Variants in ZDHHC14 observed in about 807,000 individuals in gnomAD.
ZDHHC14 encodes zDHHC palmitoyltransferase 14, also known as palmitoyltransferase ZDHHC14.
In ZDHHC14, 16 loss-of-function variants were observed where a neutral mutation model predicts 47.7. The observed-to-expected ratio is 0.34, with a 90% CI of 0.23 to 0.51. ZDHHC14 has a LOEUF of 0.51. Ranked by LOEUF, ZDHHC14 falls within the 20% of genes least tolerant of loss-of-function variation. ZDHHC14 has a pLI of 0.97. For synonymous variants in ZDHHC14, 293 were observed against 278.9 expected (o/e 1.05, Z -0.50); for missense variants, 515 against 662.5 (o/e 0.78, Z 2.44).
At chr6:157,483,690 T>C (rs912717413) in intron 1 of ZDHHC14, among the ~76,000 whole-genome samples, 3 of 152,088 alleles carry the variant, frequency 2.0e-5, no homozygotes, top group Non-Finnish European at 4.4e-5. Context: ...GCTCAGGAGG[T>C]TTGACGGTGG....
At chr6:157,670,827 A>T (rs914880511) in intron 8 of ZDHHC14, among the ~76,000 whole-genome samples, 12 of 152,294 alleles carry the variant, frequency 7.9e-5, no homozygotes, top group Non-Finnish European at 1.6e-4. Context: ...ATCTTTGAGC[A>T]TCTAAAGCCT....
In ZDHHC14 at chr6:157,472,483, AAGTGG is replaced by A. The variant is rs199696883; in HGVS notation, c.246-70079_246-70075del. On this transcript the variant is annotated intron_variant, in intron 1 of 8. Coordinates refer to ENST00000359775, the MANE Select transcript of ZDHHC14 (RefSeq NM_024630.3). ...TATGCTGCTTGACCTAGTAAATAAT[AAGTGG>A]AGTGGAGTGGAGTGGAGTGGAGGCT... 5.9e-5 allele frequency among the ~76,000 whole-genome samples: 9 copies of A among 151,998 alleles called. No homozygotes were observed. In the East Asian group the frequency reaches 1.2e-3, roughly 20 times the overall value.
chr6:157,517,603 G>T (rs1027207019), intron 1 of ZDHHC14, among the ~76,000 whole-genome samples: 1 of 152,114 alleles, frequency 6.6e-6, no homozygotes, highest in Admixed American at 6.5e-5. Context: ...GAGCCACCGC[G>T]CCTGGCCTTA....
At chr6:157,422,119 T>C (rs1778119208) in intron 1 of ZDHHC14, among the ~76,000 whole-genome samples, 1 of 152,202 alleles carries the variant, frequency 6.6e-6, no homozygotes, top group Non-Finnish European at 1.5e-5. Flanking sequence ...GGCTGGACTG[T>C]AGCTTTCCCC....
intron 5 of ZDHHC14, among the ~76,000 whole-genome samples, chr6:157,636,176 G>A (rs577906094): frequency 3.4e-5 from 5 of 148,260 alleles, no homozygotes; most frequent in African/African-American, 7.4e-5. Context: ...ATCCCTCATC[G>A]CACAGGTCAC....
Position 157,672,714 on chromosome 6 carries a change from C to T in ZDHHC14, c.1069-10C>T, listed in dbSNP as rs754853085. On this transcript the variant is annotated splice_polypyrimidine_tract_variant and intron_variant, in intron 8 of 8. Coordinates refer to ENST00000359775, the MANE Select transcript of ZDHHC14 (RefSeq NM_024630.3). ...CCACCTTCTCTTTGCTGGCGCCTCC[C>T]GCTCTCCAGTGCGACCAAGACCAGT... 17 of 1,609,704 alleles carry T rather than the reference C, an allele frequency of 1.1e-5. No homozygotes were observed. Among genetic ancestry groups the T allele is most frequent in the South Asian group, 4.4e-5 (4 of 90,370 alleles).
At chr6:157,532,549 G>A (rs2114785726) in intron 1 of ZDHHC14, among the ~76,000 whole-genome samples, 1 of 152,294 alleles carries the variant, frequency 6.6e-6, no homozygotes, top group East Asian at 1.9e-4. Context: ...GGAACTGAGG[G>A]GAGTTGGGCC....
chr6:157,641,823 TTATC>T (rs1365413770), intron 5 of ZDHHC14, among the ~76,000 whole-genome samples: 12 of 152,210 alleles, frequency 7.9e-5, no homozygotes, highest in Admixed American at 7.2e-4. Context: ...GTGCAGTAAT[TTATC>T]TATCAGATAA....
At chr6:157,655,809 C>T (rs1778060281) in intron 8 of ZDHHC14, among the ~76,000 whole-genome samples, 1 of 152,166 alleles carries the variant, frequency 6.6e-6, no homozygotes, top group Non-Finnish European at 1.5e-5. Context: ...TTGTCAAAAC[C>T]AGTGGACTTA....
chr6:157,472,828 G>C (rs1185294599), intron 1 of ZDHHC14, among the ~76,000 whole-genome samples: 1 of 152,182 alleles, frequency 6.6e-6, no homozygotes, highest in Non-Finnish European at 1.5e-5. Flanking sequence ...AGCATTTATT[G>C]AGCGAGGTGC....
chr6:157,507,632 T>C (rs2114745195), intron 1 of ZDHHC14, among the ~76,000 whole-genome samples: 1 of 152,330 alleles, frequency 6.6e-6, no homozygotes, highest in African/African-American at 2.4e-5. Context: ...AACAGCTCTG[T>C]AAAAATATGT....
At chr6:157,489,096 T>A (rs1332753371) in intron 1 of ZDHHC14, among the ~76,000 whole-genome samples, 1 of 152,244 alleles carries the variant, frequency 6.6e-6, no homozygotes, top group Non-Finnish European at 1.5e-5. Flanking sequence ...GGAATAAAGA[T>A]GTTTGCAAAT....
At chr6:157,597,267 G>T (rs1784169304) in intron 3 of ZDHHC14, among the ~76,000 whole-genome samples, 1 of 152,166 alleles carries the variant, frequency 6.6e-6, no homozygotes, top group South Asian at 2.1e-4. Flanking sequence ...AAGAGGCAAA[G>T]CATGGGCCTG....
chr6:157,416,642 T>C, intron 1 of ZDHHC14, among the ~76,000 whole-genome samples: 1 of 128,184 alleles, frequency 7.8e-6, no homozygotes, highest in African/African-American at 3.0e-5. Context: ...CACTCCAGCC[T>C]GGGTGACAGA....
intron 2 of ZDHHC14, among the ~76,000 whole-genome samples, chr6:157,574,820 T>C (rs1005713093): frequency 2.0e-5 from 3 of 152,230 alleles, no homozygotes; most frequent in African/African-American, 7.2e-5. Context: ...CTTTCTTCCC[T>C]AGCCGATTTG....
chr6:157,662,761 G>A (rs958536249), intron 8 of ZDHHC14, among the ~76,000 whole-genome samples: 4 of 152,210 alleles, frequency 2.6e-5, no homozygotes, highest in African/African-American at 9.6e-5. Context: ...CAGATGTCAT[G>A]GACATTCAAG....
In ZDHHC14 at chr6:157,507,500, T is replaced by G. The variant is rs550806769; in HGVS notation, c.246-35085T>G. 2.6e-4 allele frequency among the ~76,000 whole-genome samples: 39 copies of G among 152,286 alleles called. 1 individual carries two copies. Among genetic ancestry groups the G allele is most frequent in the African/African-American group, 9.4e-4 (39 of 41,570 alleles). The stretch of plus-strand genomic sequence containing the variant: ...TTTTGCCATGTTGGCTACACTGGTC[T>G]CCAACTCCTGACCTCAAGTGATCTG... On this transcript the variant is annotated intron_variant, in intron 1 of 8. Coordinates refer to ENST00000359775, the MANE Select transcript of ZDHHC14 (RefSeq NM_024630.3).
intron 1 of ZDHHC14, among the ~76,000 whole-genome samples, chr6:157,482,265 T>C (rs540781648): frequency 0.016 from 2,322 of 148,770 alleles, 30 homozygotes; most frequent in Non-Finnish European, 0.023. Flanking sequence ...CTTTTCTTTT[T>C]TTTTTTTTTT....
intron 2 of ZDHHC14, among the ~76,000 whole-genome samples, chr6:157,543,059 G>A (rs1202125227): frequency 6.6e-6 from 1 of 152,204 alleles, no homozygotes; most frequent in African/African-American, 2.4e-5. Flanking sequence ...TCCACCCCGA[G>A]AGATTACAGT....
Sources: gnomAD v4.1 joint callset for allele counts (sites outside exome capture counted in the v4.1 genomes callset) on GRCh38, gnomAD v4.1.1 for gene constraint, MANE v1.5 for transcripts, NCBI Gene and HGNC (gene_info 2026-07-23, HGNC 2026-07-21) for gene names.